Variants in VTI1A observed in about 807,000 individuals in gnomAD.
VTI1A encodes vesicle transport through interaction with t-SNAREs 1A.
In VTI1A, 22 loss-of-function variants were observed where a neutral mutation model predicts 34.9. That is an observed-to-expected ratio of 0.63 (90% confidence interval 0.45 to 0.90). The LOEUF (loss-of-function observed/expected upper bound fraction) is 0.90. VTI1A is among the 40% of genes least tolerant of loss of function. The pLI is 0.00. For missense variants in VTI1A, 268 were observed against 275.6 expected (o/e 0.97, Z 0.20); for synonymous variants, 87 against 97.3 (o/e 0.89, Z 0.62).
At chr10:112,643,466 C>T (rs1210010850) in intron 5 of VTI1A, among the ~76,000 whole-genome samples, 2 of 151,994 alleles carry the variant, frequency 1.3e-5, no homozygotes, top group Non-Finnish European at 2.9e-5. Context: ...ATTCATAAAG[C>T]AAGGTGATTA....
intron 5 of VTI1A, among the ~76,000 whole-genome samples, chr10:112,633,664 A>G (rs1044501244): frequency 3.9e-5 from 6 of 152,198 alleles, no homozygotes; most frequent in Non-Finnish European, 7.3e-5. Context: ...GAAGACTAGC[A>G]TTACATAAAT....
Position 112,817,478 on chromosome 10 carries a change from T to G in VTI1A, c.*2095T>G, listed in dbSNP as rs774377683. The stretch of plus-strand genomic sequence containing the variant: ...TTCTATGTCTTTATCAGCTCTTGCC[T>G]GTGATTTTACCCCAATTCAACCTTG... On this transcript the variant is annotated 3_prime_UTR_variant, in exon 8 of 8. Transcript: ENST00000393077. 35 of 229,852 alleles carry G rather than the reference T, an allele frequency of 1.5e-4. No individual in the cohort carries two copies. Among genetic ancestry groups the G allele is most frequent in the Non-Finnish European group, 2.4e-4 (28 of 116,094 alleles). The allele number at this position is 229,852 out of a possible 1,614,324, so 14.2% of individuals were successfully genotyped here. A position where few individuals can be genotyped will look rare whatever the true frequency, so the allele number is the denominator to read the frequency against.
chr10:112,843,556 G>A, the VTI1A span, among the ~76,000 whole-genome samples: 3 of 152,198 alleles, frequency 2.0e-5, no homozygotes, highest in African/African-American at 4.8e-5. Flanking sequence ...TGCTAACAGC[G>A]TTTATTTCTT....
chr10:112,534,243 T>C (rs1006905109), intron 4 of VTI1A, among the ~76,000 whole-genome samples: 1 of 152,180 alleles, frequency 6.6e-6, no homozygotes. Context: ...ATGTTTATAA[T>C]TGTATCCTTG....
chr10:112,748,983 A>T (rs1851009504), intron 7 of VTI1A, among the ~76,000 whole-genome samples: 1 of 152,194 alleles, frequency 6.6e-6, no homozygotes, highest in Admixed American at 6.5e-5. Context: ...CCTTGGAGTT[A>T]CAGATTTAGT....
At chr10:112,748,956 G>A (rs1192981329) in intron 7 of VTI1A, among the ~76,000 whole-genome samples, 2 of 152,114 alleles carry the variant, frequency 1.3e-5, no homozygotes, top group Non-Finnish European at 2.9e-5. Context: ...CATGCTTTAA[G>A]TATATTCTTA....
At chr10:112,461,044 C>G (rs1264999434) in intron 2 of VTI1A, among the ~76,000 whole-genome samples, 2 of 152,194 alleles carry the variant, frequency 1.3e-5, no homozygotes, top group South Asian at 2.1e-4. Context: ...CTCATGTCTT[C>G]TCTAAGACAT....
the VTI1A span, among the ~76,000 whole-genome samples, chr10:112,834,711 C>A: frequency 9.9e-5 from 15 of 152,232 alleles, no homozygotes; most frequent in Non-Finnish European, 1.3e-4. Flanking sequence ...CTTCTCCCTA[C>A]CTTCAGGCTG....
chr10:112,709,682 CT>C (rs57081938), intron 7 of VTI1A, among the ~76,000 whole-genome samples: 2,233 of 70,260 alleles, frequency 0.032, 51 homozygotes, highest in African/African-American at 0.078. Flanking sequence ...CTCTATGTGG[CT>C]TTTTTTTTTT....
chr10:112,679,886 TATCCTGGAGTGGGC>T (rs1848157901), intron 7 of VTI1A, among the ~76,000 whole-genome samples: 1 of 152,172 alleles, frequency 6.6e-6, no homozygotes, highest in Non-Finnish European at 1.5e-5. Flanking sequence ...CAGTGGTTCC[TATCCTGGAGTGGGC>T]TTCATGGAGT....
At chr10:112,809,077 G>A (rs1326829249) in intron 7 of VTI1A, among the ~76,000 whole-genome samples, 1 of 152,182 alleles carries the variant, frequency 6.6e-6, no homozygotes, top group Non-Finnish European at 1.5e-5. Flanking sequence ...TGGAATCAGA[G>A]TGGGATCAGC....
intron 5 of VTI1A, among the ~76,000 whole-genome samples, chr10:112,638,726 ATTTC>A (rs895305445): frequency 1.6e-5 from 2 of 126,010 alleles, no homozygotes; most frequent in African/African-American, 5.8e-5. Flanking sequence ...GAAAATTCCT[ATTTC>A]TTTAATTTTT....
intron 5 of VTI1A, among the ~76,000 whole-genome samples, chr10:112,616,858 A>C (rs978917857): frequency 6.6e-6 from 1 of 152,200 alleles, no homozygotes; most frequent in Non-Finnish European, 1.5e-5. Flanking sequence ...ATTTTGCAGA[A>C]TGCAACAGAG....
chr10:112,850,058 T>C, the VTI1A span, among the ~76,000 whole-genome samples: 1 of 152,208 alleles, frequency 6.6e-6, no homozygotes, highest in East Asian at 1.9e-4. Context: ...ACCTGCAGCC[T>C]TTAGAAACTA....
At chr10:112,633,166 G>A (rs528024622) in intron 5 of VTI1A, among the ~76,000 whole-genome samples, 1 of 152,142 alleles carries the variant, frequency 6.6e-6, no homozygotes, top group Non-Finnish European at 1.5e-5. Context: ...AGGTCTGAAG[G>A]AGAGGAGAGG....
chr10:112,532,275 A>C (rs972648388), intron 4 of VTI1A, among the ~76,000 whole-genome samples: 1 of 152,224 alleles, frequency 6.6e-6, no homozygotes, highest in African/African-American at 2.4e-5. Flanking sequence ...ATAGTGAACA[A>C]TTCAGGCACA....
At chr10:112,694,644 A>G (rs576509180) in intron 7 of VTI1A, among the ~76,000 whole-genome samples, 1 of 152,180 alleles carries the variant, frequency 6.6e-6, no homozygotes, top group African/African-American at 2.4e-5. Flanking sequence ...AAAAAAAAAA[A>G]ATCTTTTTCA....
chr10:112,666,249 G>C (rs978378116), intron 5 of VTI1A, among the ~76,000 whole-genome samples: 8 of 152,138 alleles, frequency 5.3e-5, no homozygotes, highest in Non-Finnish European at 8.8e-5. Context: ...TAAAGAGCTG[G>C]AATAAGTCTA....
intron 5 of VTI1A, among the ~76,000 whole-genome samples, chr10:112,582,450 G>C (rs1356993446): frequency 6.6e-6 from 1 of 152,076 alleles, no homozygotes; most frequent in Non-Finnish European, 1.5e-5. Flanking sequence ...CAGCCCCCAA[G>C]GTCGCTGTTA....
Sources: allele counts gnomAD v4.1 joint callset (sites outside exome capture counted in the v4.1 genomes callset), GRCh38; gene constraint gnomAD v4.1.1; transcripts MANE v1.5; gene names NCBI Gene and HGNC (gene_info 2026-07-23, HGNC 2026-07-21).